SNTG1: variants seen among roughly 807,000 people sequenced by gnomAD.
SNTG1 encodes syntrophin gamma 1, also known as gamma-1-syntrophin.
SNTG1 carries 39 observed loss-of-function variants against 74.7 expected under a neutral mutation model. The ratio of observed to expected loss-of-function variants is 0.52; its 90% CI spans 0.40 to 0.68. The LOEUF is 0.68. SNTG1 is among the 30% of genes least tolerant of loss of function. The pLI, the probability that SNTG1 is intolerant of heterozygous loss-of-function variation, is 0.00. For synonymous variants in SNTG1, 254 were observed against 217.1 expected (o/e 1.17, Z -1.49); for missense variants, 685 against 609.5 (o/e 1.12, Z -1.30).
chr8:50,264,088 T>A (rs1257200431), intron 2 of SNTG1, among the ~76,000 whole-genome samples: 1 of 152,150 alleles, frequency 6.6e-6, no homozygotes, highest in Non-Finnish European at 1.5e-5. Context: ...ATAAACAAGA[T>A]ATCAAAATGA....
At chr8:50,676,043 T>C (rs1437191387) in intron 15 of SNTG1, among the ~76,000 whole-genome samples, 1 of 152,040 alleles carries the variant, frequency 6.6e-6, no homozygotes, top group Non-Finnish European at 1.5e-5. Context: ...ACCTGGCCTT[T>C]CTCTCTGGCT....
rs576120217 is a variant in SNTG1 at position 50,079,987 on chromosome 8, C to T, written c.-102-92574C>T. ...AGTTTGAAGTCAGGTAGTGTGATACCTCCAACTTTGTTCTTTTTGCTTAGG... is the reference window on the plus strand; with the variant it reads ...AGTTTGAAGTCAGGTAGTGTGATACTTCCAACTTTGTTCTTTTTGCTTAGG... On this transcript the variant is annotated intron_variant, in intron 1 of 18. Coordinates refer to ENST00000642720, the MANE Select transcript of SNTG1 (RefSeq NM_018967.5). Among the ~76,000 whole-genome samples the T allele has an allele frequency of 1.3e-3, 205 of 152,204 alleles. 2 individuals are homozygous for T. The highest frequency in any genetic ancestry group is 4.7e-3 in the African/African-American group (196 of 41,520).
chr8:50,709,085 A>G, intron 17 of SNTG1, 107 bp downstream of exon 17: 2 of 847,554 alleles, frequency 2.4e-6, no homozygotes, highest in Non-Finnish European at 3.8e-6. Context: ...AATCGTGTCA[A>G]ATTTAAGATC....
intron 1 of SNTG1, among the ~76,000 whole-genome samples, chr8:50,101,631 A>T (rs2080127324): frequency 6.6e-6 from 1 of 152,062 alleles, no homozygotes. Context: ...ATATGTATAC[A>T]TGTGCCATGC....
intron 8 of SNTG1, among the ~76,000 whole-genome samples, chr8:50,457,681 G>T (rs1039407482): frequency 6.6e-6 from 1 of 152,252 alleles, no homozygotes; most frequent in Non-Finnish European, 1.5e-5. Flanking sequence ...GAATCCTGAA[G>T]GGCCAAGGGG....
At chr8:50,774,536 C>A (rs909141218) in intron 18 of SNTG1, among the ~76,000 whole-genome samples, 1 of 151,384 alleles carries the variant, frequency 6.6e-6, no homozygotes, top group African/African-American at 2.4e-5. Context: ...AGAATTAAGT[C>A]ATTATTACAT....
intron 1 of SNTG1, among the ~76,000 whole-genome samples, chr8:50,133,295 G>A (rs1002859695): frequency 6.6e-6 from 1 of 151,950 alleles, no homozygotes; most frequent in Non-Finnish European, 1.5e-5. Context: ...TCTCCATAAG[G>A]CCTCAACAGG....
chr8:50,688,611 T>C (rs537678152), intron 15 of SNTG1, among the ~76,000 whole-genome samples: 14 of 152,314 alleles, frequency 9.2e-5, no homozygotes, highest in Admixed American at 3.3e-4. Flanking sequence ...GTTCCATTGG[T>C]CTCTATCTCT....
intron 10 of SNTG1, among the ~76,000 whole-genome samples, chr8:50,531,971 A>G (rs866181740): frequency 3.3e-5 from 5 of 152,330 alleles, no homozygotes; most frequent in Middle Eastern, 3.4e-3. Flanking sequence ...ACATATATAG[A>G]ATAATGTCCT....
chr8:50,248,534 T>G (rs928581285), intron 2 of SNTG1, among the ~76,000 whole-genome samples: 13 of 152,160 alleles, frequency 8.5e-5, no homozygotes, highest in African/African-American at 3.1e-4. Flanking sequence ...AATTCTCCAG[T>G]GAAGCCTTTT....
At chr8:50,228,998 A>G (rs1304680670) in intron 2 of SNTG1, among the ~76,000 whole-genome samples, 1 of 151,762 alleles carries the variant, frequency 6.6e-6, no homozygotes, top group Non-Finnish European at 1.5e-5. Context: ...ATAAGAGGTG[A>G]GAGAGTAATT....
At chr8:50,147,451 A>G (rs1390127537) in intron 1 of SNTG1, among the ~76,000 whole-genome samples, 2 of 152,192 alleles carry the variant, frequency 1.3e-5, no homozygotes, top group Admixed American at 1.3e-4. Context: ...TATTTGGAAA[A>G]CTTGTTTTTT....
At position 49,991,460 on chromosome 8, in the gene SNTG1, A is replaced by G. The variant is rs1237995063; in HGVS notation, c.-103+79229A>G. On this transcript the variant is annotated intron_variant, in intron 1 of 18. Coordinates refer to ENST00000642720, the MANE Select transcript of SNTG1 (RefSeq NM_018967.5). ...AGGGTTATACCCAAGAGAAATGATAACATAACATTTATCCACACAAAAACG... is the reference window on the plus strand; with the variant it reads ...AGGGTTATACCCAAGAGAAATGATAGCATAACATTTATCCACACAAAAACG... Among the ~76,000 whole-genome samples, 3 of 152,188 alleles carry G rather than the reference A, an allele frequency of 2.0e-5. No homozygotes were observed. In the East Asian group the frequency reaches 5.8e-4, roughly 29 times the overall value.
In SNTG1 at chr8:50,383,614, C is replaced by T. The variant is rs77510085; in HGVS notation, c.-27-10598C>T. Among the ~76,000 whole-genome samples, 176 of 152,236 alleles carry T rather than the reference C, an allele frequency of 1.2e-3. 1 individual carries two copies. Among genetic ancestry groups the T allele is most frequent in the African/African-American group, 4.1e-3 (169 of 41,536 alleles). On this transcript the variant is annotated intron_variant, in intron 2 of 18. Transcript: ENST00000642720. ...ACCCATTCCTTATTCCTTGTGTCCT[C>T]AGCAAACACCTCAGCTGGTCATAGT... is the stretch of plus-strand genomic sequence containing the variant.
rs1423549421 is a variant in SNTG1 at position 50,120,880 on chromosome 8, C to T, written c.-102-51681C>T. On this transcript the variant is annotated intron_variant, in intron 1 of 18. Transcript: ENST00000642720. The stretch of plus-strand genomic sequence containing the variant: ...ATATTAAATGAACAAGTCATGTAGC[C>T]GTGGAATGAGTGCAGTTTTGCAGGA... Among the ~76,000 whole-genome samples the T allele has an allele frequency of 2.1e-5, 3 of 141,598 alleles. 1 individual carries two copies. Among genetic ancestry groups the T allele is most frequent in the Non-Finnish European group, 3.1e-5 (2 of 63,702 alleles). 92.9% of individuals were successfully genotyped at this position (141,598 alleles called of 152,430 possible).
chr8:49,992,161 A>G (rs1366740150), intron 1 of SNTG1, among the ~76,000 whole-genome samples: 1 of 152,214 alleles, frequency 6.6e-6, no homozygotes, highest in Non-Finnish European at 1.5e-5. Context: ...TTGTAAATAG[A>G]AAGAGACTTT....
At chr8:50,437,619 A>C (rs2093317643) in intron 4 of SNTG1, among the ~76,000 whole-genome samples, 1 of 152,196 alleles carries the variant, frequency 6.6e-6, no homozygotes, top group African/African-American at 2.4e-5. Flanking sequence ...ATTTGTAGAG[A>C]TATAGGGACC....
chr8:50,103,527 C>T (rs1381489721), intron 1 of SNTG1, among the ~76,000 whole-genome samples: 1 of 152,188 alleles, frequency 6.6e-6, no homozygotes, highest in Non-Finnish European at 1.5e-5. Flanking sequence ...TTGACTTCCT[C>T]TTTTCGTAAT....
At chr8:50,049,658 G>T (rs1014829928) in intron 1 of SNTG1, among the ~76,000 whole-genome samples, 1 of 152,014 alleles carries the variant, frequency 6.6e-6, no homozygotes, top group Non-Finnish European at 1.5e-5. Context: ...GGCACATATA[G>T]AATACTTTAT....
Sources: gnomAD v4.1 joint callset for allele counts (sites outside exome capture counted in the v4.1 genomes callset) on GRCh38, gnomAD v4.1.1 for gene constraint, MANE v1.5 for transcripts, NCBI Gene and HGNC (gene_info 2026-07-23, HGNC 2026-07-21) for gene names.